Variants in SHCBP1L observed in about 807,000 individuals in gnomAD.
SHCBP1L encodes the protein SHC binding and spindle associated 1 like.
A neutral mutation model predicts 62.5 loss-of-function variants in SHCBP1L; 67 were observed. The observed-to-expected ratio is 1.07, with a 90% confidence interval of 0.88 to 1.31. SHCBP1L has a LOEUF of 1.31. SHCBP1L is among the 40% of genes most tolerant of loss of function. The pLI, the probability that SHCBP1L is intolerant of heterozygous loss-of-function variation, is 0.00. For synonymous variants in SHCBP1L, 284 were observed against 289.4 expected, an observed-to-expected ratio of 0.98 and a Z score of 0.19; for missense variants, 823 against 809.8, an observed-to-expected ratio of 1.02 and a Z score of -0.20.
chr1:182,924,572 A>C (rs1650615678), intron 6 of SHCBP1L, among the ~76,000 whole-genome samples: 1 of 151,836 alleles, frequency 6.6e-6, no homozygotes, highest in Admixed American at 6.6e-5. Flanking sequence ...CTGGGATTAC[A>C]GGTGTGAGCC....
Position 182,939,363 on chromosome 1 carries a change from C to A in SHCBP1L, c.889G>T (p.Gly297Cys). The A allele has an allele frequency of 6.2e-7, 1 of 1,613,866 alleles. No homozygotes were observed. Among genetic ancestry groups the A allele is most frequent in the Non-Finnish European group, 8.5e-7 (1 of 1,179,938 alleles). Residue 297 changes from glycine to cysteine, a missense_variant, in exon 5 of 10, where the codon GGT becomes TGT. Physicochemically the swap from Gly to Cys is radical, Grantham distance 159. Coordinates refer to ENST00000367547, the MANE Select transcript of SHCBP1L (RefSeq NM_030933.4). ...TTTTTAAAACGTTGTGCGATAGGAC[C>A]AGGTATTGTTCCATCCTGTATATCA... is the stretch of plus-strand genomic sequence containing the variant. ...WCDIQDGTIPGPIAQRFKKTL... is the reference protein window; with the variant it reads ...WCDIQDGTIPCPIAQRFKKTL...
intron 7 of SHCBP1L, 152 bp from the exon 8 acceptor site, chr1:182,904,582 T>C (rs1047870145): frequency 2.4e-6 from 2 of 816,466 alleles, no homozygotes; most frequent in Non-Finnish European, 3.7e-6. Context: ...TGTGTGCGCA[T>C]GCGCATTTTT....
rs142401650 is a variant in SHCBP1L, at chr1:182,947,109, C to T, written c.555+4209G>A. On this transcript the variant is annotated intron_variant, in intron 2 of 9. Transcript: ENST00000367547. ...AAAATTAGCCGGGCATGGTGGCTCGCGCCTATAATCCCAGCTACTCAGGAG... is the reference window on the plus strand; with the variant it reads ...AAAATTAGCCGGGCATGGTGGCTCGTGCCTATAATCCCAGCTACTCAGGAG... 9.2e-5 allele frequency among the ~76,000 whole-genome samples: 14 copies of T among 152,072 alleles called. 1 individual carries two copies. In the East Asian group the frequency reaches 2.7e-3, roughly 29 times the overall value.
intron 6 of SHCBP1L, among the ~76,000 whole-genome samples, chr1:182,912,801 G>A (rs1342569749): frequency 6.6e-6 from 1 of 151,736 alleles, no homozygotes; most frequent in African/African-American, 2.4e-5. Flanking sequence ...GGGATTACAG[G>A]CATGAGCCAC....
chr1:182,942,355 C>G (rs1446881428), intron 2 of SHCBP1L: 4 of 780,436 alleles, frequency 5.1e-6, no homozygotes, highest in Non-Finnish European at 9.5e-6. Context: ...TCCTGTTGGG[C>G]TCTTCCTTGG....
intron 5 of SHCBP1L, among the ~76,000 whole-genome samples, chr1:182,938,492 G>A (rs992752501): frequency 4.1e-5 from 6 of 147,560 alleles, no homozygotes; most frequent in African/African-American, 1.0e-4. Context: ...ACAGGGTCTC[G>A]CTCTGTTGCC....
chr1:182,953,076 C>T lies in SHCBP1L; in HGVS notation c.58G>A (p.Asp20Asn), dbSNP rs1303965385. 1.3e-6 allele frequency: 2 copies of T among 1,556,618 alleles called. No homozygotes were observed. The highest frequency in any genetic ancestry group is 4.7e-5 in the East Asian group (2 of 42,522). ...PADSFRTISP[D>N]RRGEKSASAV... ...GAGGCGGACTTCTCGCCTCGCCTGT[C>T]CGGGCTGATGGTGCGGAATGAGTCC... The change falls in exon 1 of 10, where the codon GAC becomes AAC. Residue 20 changes from aspartate (D) to asparagine (N), a missense_variant. Asp to Asn is a conservative substitution (Grantham distance 23, BLOSUM62 1). Transcript: ENST00000367547.
chr1:182,938,574 C>A (rs1047378640), intron 5 of SHCBP1L, among the ~76,000 whole-genome samples: 1 of 152,160 alleles, frequency 6.6e-6, no homozygotes, highest in African/African-American at 2.4e-5. Flanking sequence ...GATCCTCCTG[C>A]CTCAGCCTCC....
intron 5 of SHCBP1L, among the ~76,000 whole-genome samples, chr1:182,930,896 T>TC (rs1393360428): frequency 6.9e-6 from 1 of 145,722 alleles, no homozygotes; most frequent in African/African-American, 2.5e-5. Context: ...TGGCTTTTTT[T>TC]TTTTTTTTTT....
intron 9 of SHCBP1L, 69 bp downstream of exon 9, chr1:182,902,970 C>A: frequency 8.2e-7 from 1 of 1,226,566 alleles, no homozygotes; most frequent in Non-Finnish European, 1.1e-6. Context: ...AAGACTAAAA[C>A]TAATATTTTA....
At chr1:182,901,805 A>G (rs1649846904) in intron 9 of SHCBP1L, among the ~76,000 whole-genome samples, 1 of 152,170 alleles carries the variant, frequency 6.6e-6, no homozygotes, top group African/African-American at 2.4e-5. Context: ...TGATTCTTAA[A>G]GTGTGAGTTA....
chr1:182,936,255 C>A (rs895032211), intron 5 of SHCBP1L, among the ~76,000 whole-genome samples: 1 of 151,242 alleles, frequency 6.6e-6, no homozygotes, highest in Non-Finnish European at 1.5e-5. Flanking sequence ...CGTGTCTCAG[C>A]CTCCTGAGTA....
At chr1:182,917,735 T>G (rs1437228837) in intron 6 of SHCBP1L, among the ~76,000 whole-genome samples, 1 of 152,170 alleles carries the variant, frequency 6.6e-6, no homozygotes, top group Non-Finnish European at 1.5e-5. Context: ...TTTAAGGATA[T>G]CAGTCAGACT....
intron 5 of SHCBP1L, among the ~76,000 whole-genome samples, chr1:182,933,964 T>G (rs1050245720): frequency 2.6e-5 from 4 of 152,160 alleles, no homozygotes; most frequent in Admixed American, 1.3e-4. Flanking sequence ...GTCCTTGACT[T>G]TCCTTTGTGA....
At chr1:182,915,833 G>T (rs1366660258) in intron 6 of SHCBP1L, among the ~76,000 whole-genome samples, 1 of 145,762 alleles carries the variant, frequency 6.9e-6, no homozygotes, top group African/African-American at 2.6e-5. Context: ...TTGAGACGGA[G>T]TCTCACTCTG....
intron 6 of SHCBP1L, among the ~76,000 whole-genome samples, chr1:182,916,917 A>G (rs1001034163): frequency 6.6e-6 from 1 of 152,214 alleles, no homozygotes; most frequent in African/African-American, 2.4e-5. Context: ...GAAAGACAGG[A>G]GCAGAAAAGA....
intron 6 of SHCBP1L, among the ~76,000 whole-genome samples, chr1:182,910,731 G>A (rs188883631): frequency 6.6e-6 from 1 of 152,304 alleles, no homozygotes; most frequent in Non-Finnish European, 1.5e-5. Context: ...TGCACCTTTG[G>A]CTGCTCTTTG....
intron 1 of SHCBP1L, among the ~76,000 whole-genome samples, chr1:182,952,191 AATATATATATATATATATATAT>A (rs869051143): frequency 0.016 from 393 of 24,236 alleles, 3 homozygotes; most frequent in Admixed American, 0.019. Context: ...AAAAAAAAAA[AATATATATATATATATATATAT>A]ATATATATAT....
At chr1:182,934,602 T>C (rs764168467) in intron 5 of SHCBP1L, among the ~76,000 whole-genome samples, 1 of 152,196 alleles carries the variant, frequency 6.6e-6, no homozygotes, top group Non-Finnish European at 1.5e-5. Context: ...ATATGCATTA[T>C]GCAAATATTT....
Sources: allele counts gnomAD v4.1 joint callset (sites outside exome capture counted in the v4.1 genomes callset), GRCh38; gene constraint gnomAD v4.1.1; transcripts MANE v1.5; gene names NCBI Gene and HGNC (gene_info 2026-07-23, HGNC 2026-07-21).